Variants in BMP6 observed in about 807,000 individuals in gnomAD.
BMP6 encodes bone morphogenetic protein 6, also known as VG-1-R.
BMP6 carries 17 observed loss-of-function variants against 54.1 expected under a neutral mutation model. The ratio of observed to expected loss-of-function variants is 0.31; its 90% CI spans 0.22 to 0.47. The LOEUF is 0.47. BMP6 is among the 20% of genes least tolerant of loss of function. The probability of loss-of-function intolerance (pLI) is 1.00; values close to 1 mark genes in which losing one functional copy is unlikely to be tolerated. For missense variants in BMP6, 720 were observed against 690.4 expected, an observed-to-expected ratio of 1.04 and a Z score of -0.48; for synonymous variants, 328 against 291.2, an observed-to-expected ratio of 1.13 and a Z score of -1.28.
chr6:7,814,343 C>G (rs545403626), intron 1 of BMP6, among the ~76,000 whole-genome samples: 1 of 152,290 alleles, frequency 6.6e-6, no homozygotes, highest in East Asian at 1.9e-4. Context: ...GGCAAGAAAT[C>G]TTAGGAGTCC....
Position 7,726,557 on chromosome 6 carries a change from G to C in BMP6, c.-399G>C, listed in dbSNP as rs1324207809. 4.6e-5 allele frequency among the ~76,000 whole-genome samples: 7 copies of C among 152,302 alleles called. No individual in the cohort carries two copies. In the East Asian group the frequency reaches 1.4e-3, roughly 30 times the overall value. ...TGCCCCGGGTCCCACTCAGTCGCCA[G>C]GGAGAGCGCGGGGCAGCGCACGTGT... On this transcript the variant is annotated 5_prime_UTR_variant, in exon 1 of 7. Transcript: ENST00000283147.
chr6:7,870,105 C>T (rs1268918577), intron 4 of BMP6, among the ~76,000 whole-genome samples: 1 of 152,184 alleles, frequency 6.6e-6, no homozygotes, highest in African/African-American at 2.4e-5. Flanking sequence ...CCATATGGCT[C>T]CTTTCAAGTT....
At chr6:7,748,854 T>A (rs1449887502) in intron 1 of BMP6, among the ~76,000 whole-genome samples, 1 of 152,166 alleles carries the variant, frequency 6.6e-6, no homozygotes. Flanking sequence ...CATACCCCCA[T>A]CTCTAGGATT....
rs564341585 is a variant in BMP6 at position 7,804,010 on chromosome 6, C to A, written c.665-41130C>A. 1.8e-4 allele frequency among the ~76,000 whole-genome samples: 27 copies of A among 152,310 alleles called. 1 individual carries two copies. In the South Asian group the frequency reaches 5.6e-3, roughly 32 times the overall value. Reference sequence around the variant, plus strand: ...CTTTCAGTATCCCAAGGTAAGCACACTTTTTGACATGCAAAGTTGGTGCCC... The same window carrying A: ...CTTTCAGTATCCCAAGGTAAGCACAATTTTTGACATGCAAAGTTGGTGCCC... On this transcript the variant is annotated intron_variant, in intron 1 of 6. Coordinates refer to ENST00000283147, the MANE Select transcript of BMP6 (RefSeq NM_001718.6).
chr6:7,861,312 T>C (rs961407213), intron 2 of BMP6, 139 bp from the exon 3 acceptor site: 5 of 1,126,138 alleles, frequency 4.4e-6, no homozygotes, highest in Non-Finnish European at 6.4e-6. Flanking sequence ...TTCAGGGCTA[T>C]GGCAAGTCAC....
chr6:7,736,748 T>C (rs981875415), intron 1 of BMP6, among the ~76,000 whole-genome samples: 9 of 152,188 alleles, frequency 5.9e-5, no homozygotes, highest in African/African-American at 2.2e-4. Flanking sequence ...TTTACAAATA[T>C]TGTGCAGGTG....
intron 1 of BMP6, among the ~76,000 whole-genome samples, chr6:7,768,832 T>C (rs975835266): frequency 2.0e-5 from 3 of 152,192 alleles, no homozygotes; most frequent in African/African-American, 4.8e-5. Context: ...CCTAACACTT[T>C]GTGGCTTTCT....
chr6:7,781,327 C>T (rs990064870), intron 1 of BMP6, among the ~76,000 whole-genome samples: 3 of 151,792 alleles, frequency 2.0e-5, no homozygotes, highest in African/African-American at 7.2e-5. Flanking sequence ...AACCCATGCT[C>T]GTTCATACGT....
intron 1 of BMP6, among the ~76,000 whole-genome samples, chr6:7,803,099 A>G (rs907557226): frequency 3.3e-5 from 5 of 152,108 alleles, no homozygotes; most frequent in African/African-American, 1.2e-4. Flanking sequence ...CTTGAATGGG[A>G]AAATAGTAGA....
In BMP6 at chr6:7,727,289, G is replaced by T; in HGVS notation, c.334G>T (p.Glu112Ter). The change falls in exon 1 of 7, where the codon GAG becomes TAG. Residue 112 changes from glutamate (E) to a stop codon, truncating the protein, a stop_gained. Transcript: ENST00000283147. LOFTEE classifies it high-confidence loss of function. ...PQPPALRQQE[E>*]QQQQQQLPRG... is the part of the protein sequence containing the mutation. ...GCCCCCGGCGCTCCGGCAGCAGGAG[G>T]AGCAGCAGCAGCAGCAGCAGCTGCC... The T allele has an allele frequency of 6.2e-7, 1 of 1,605,898 alleles. No individual in the cohort carries two copies. The highest frequency in any genetic ancestry group is 2.3e-5 in the East Asian group (1 of 44,412).
At position 7,795,152 on chromosome 6, in the gene BMP6, A is replaced by G. The variant is rs78373375; in HGVS notation, c.665-49988A>G. Among the ~76,000 whole-genome samples the G allele has an allele frequency of 8.5e-3, 1,289 of 152,324 alleles. 39 individuals carry two copies. The East Asian group carries it at 0.12, about 14-fold the overall frequency. On this transcript the variant is annotated intron_variant, in intron 1 of 6. Transcript: ENST00000283147. The stretch of plus-strand genomic sequence containing the variant: ...TGTGTTCTGGGTTTTACAGACATAA[A>G]GGAAATGAAGCATAGTCCCCATGTC...
chr6:7,733,928 C>G (rs1415213976), intron 1 of BMP6, among the ~76,000 whole-genome samples: 1 of 151,986 alleles, frequency 6.6e-6, no homozygotes, highest in Non-Finnish European at 1.5e-5. Context: ...TCTGAAGTTT[C>G]GAGAGTACCA....
chr6:7,865,279 C>T (rs1759401305), intron 4 of BMP6, among the ~76,000 whole-genome samples: 1 of 152,100 alleles, frequency 6.6e-6, no homozygotes, highest in African/African-American at 2.4e-5. Flanking sequence ...TCTCCCCCCG[C>T]CCACCTCCCA....
At position 7,737,528 on chromosome 6, in the gene BMP6, CTGT is replaced by C. The variant is rs368182286; in HGVS notation, c.664+9914_664+9916del. Among the ~76,000 whole-genome samples the C allele has an allele frequency of 1.4e-4, 22 of 152,270 alleles. No individual in the cohort carries two copies. In the East Asian group the frequency reaches 2.9e-3, roughly 20 times the overall value. On this transcript the variant is annotated intron_variant, in intron 1 of 6. Coordinates refer to ENST00000283147, the MANE Select transcript of BMP6 (RefSeq NM_001718.6). Reference sequence around the variant, plus strand: ...CTTGATTTGTTGAGATTGTTTGACCCTGTTGTTATGCATGCACATACCTGTCAT... The same window carrying C: ...CTTGATTTGTTGAGATTGTTTGACCCTGTTATGCATGCACATACCTGTCAT...
At chr6:7,870,303 A>G (rs943012878) in intron 4 of BMP6, among the ~76,000 whole-genome samples, 4 of 152,214 alleles carry the variant, frequency 2.6e-5, no homozygotes, top group East Asian at 1.9e-4. Flanking sequence ...GCACTTCCAC[A>G]TGGTCCCGCC....
chr6:7,736,109 A>G (rs1761952314), intron 1 of BMP6, among the ~76,000 whole-genome samples: 1 of 152,250 alleles, frequency 6.6e-6, no homozygotes, highest in Non-Finnish European at 1.5e-5. Context: ...CAACAAATCC[A>G]TCAGAAATCT....
At chr6:7,759,828 C>T (rs972210328) in intron 1 of BMP6, among the ~76,000 whole-genome samples, 2 of 150,500 alleles carry the variant, frequency 1.3e-5, no homozygotes, top group Admixed American at 6.6e-5. Flanking sequence ...CTTAGCCTCC[C>T]AAGTAGCTGG....
At chr6:7,853,984 G>A (rs1759185278) in intron 2 of BMP6, among the ~76,000 whole-genome samples, 1 of 151,942 alleles carries the variant, frequency 6.6e-6, no homozygotes, top group African/African-American at 2.4e-5. Context: ...GTAAGGCACA[G>A]GGTAGAAGAG....
intron 1 of BMP6, among the ~76,000 whole-genome samples, chr6:7,828,851 A>G (rs542778250): frequency 1.6e-4 from 25 of 152,296 alleles, no homozygotes; most frequent in African/African-American, 5.5e-4. Context: ...GATTAGGGAC[A>G]TGTTCTGACC....
Sources: gnomAD v4.1 joint callset for allele counts (sites outside exome capture counted in the v4.1 genomes callset) on GRCh38, gnomAD v4.1.1 for gene constraint, MANE v1.5 for transcripts, NCBI Gene and HGNC (gene_info 2026-07-23, HGNC 2026-07-21) for gene names.